The following PTPRO variants were observed in gnomAD, a reference collection of about 807,000 sequenced individuals.
PTPRO encodes protein tyrosine phosphatase receptor type O.
In PTPRO, 62 loss-of-function variants were observed where a neutral mutation model predicts 145.2. That is an observed-to-expected ratio of 0.43 (90% CI 0.35 to 0.53). The LOEUF is 0.53. Ranked by LOEUF, PTPRO falls within the 20% of genes least tolerant of loss-of-function variation. PTPRO has a pLI of 0.01. For missense variants in PTPRO, 1,345 were observed against 1,482.7 expected, an observed-to-expected ratio of 0.91 and a Z score of 1.53; for synonymous variants, 565 against 514.7, an observed-to-expected ratio of 1.10 and a Z score of -1.32.
At chr12:15,399,599 G>T (rs373965413) in intron 1 of PTPRO, among the ~76,000 whole-genome samples, 2 of 152,028 alleles carry the variant, frequency 1.3e-5, no homozygotes, top group East Asian at 1.9e-4. Flanking sequence ...ACATATAATC[G>T]TTAATTAATG....
At chr12:15,554,796 C>A (rs1409414290) in intron 15 of PTPRO, among the ~76,000 whole-genome samples, 2 of 152,194 alleles carry the variant, frequency 1.3e-5, no homozygotes, top group Non-Finnish European at 2.9e-5. Flanking sequence ...AGGATCAATA[C>A]TTTGTGTCCT....
intron 25 of PTPRO, among the ~76,000 whole-genome samples, chr12:15,594,132 C>A (rs1944608766): frequency 6.6e-6 from 1 of 152,048 alleles, no homozygotes; most frequent in Admixed American, 6.5e-5. Context: ...TTTTCTTTTC[C>A]AGTTTGTGGT....
intron 19 of PTPRO, among the ~76,000 whole-genome samples, chr12:15,573,397 C>G (rs1944104897): frequency 6.6e-6 from 1 of 152,178 alleles, no homozygotes; most frequent in African/African-American, 2.4e-5. Flanking sequence ...TTCACAGCAG[C>G]AGACTGGTGT....
chr12:15,572,855 G>A (rs1336844521), intron 19 of PTPRO, among the ~76,000 whole-genome samples: 1 of 152,106 alleles, frequency 6.6e-6, no homozygotes, highest in Non-Finnish European at 1.5e-5. Context: ...AGTGTTTTTG[G>A]TTGTTATAAT....
chr12:15,585,444 G>A (rs983736952), intron 23 of PTPRO, among the ~76,000 whole-genome samples: 2 of 152,216 alleles, frequency 1.3e-5, no homozygotes, highest in Admixed American at 1.3e-4. Context: ...GAACATAGTA[G>A]GGGAGGCACT....
intron 1 of PTPRO, among the ~76,000 whole-genome samples, chr12:15,353,918 A>T: frequency 6.6e-6 from 1 of 152,188 alleles, no homozygotes. Context: ...CAGGGTCTTC[A>T]TCCCACTCGT....
intron 1 of PTPRO, among the ~76,000 whole-genome samples, chr12:15,443,440 G>A (rs564912331): frequency 2.0e-5 from 3 of 152,162 alleles, no homozygotes; most frequent in Admixed American, 1.3e-4. Flanking sequence ...TCGGCCTGGG[G>A]AAAGTATTGA....
intron 7 of PTPRO, among the ~76,000 whole-genome samples, chr12:15,512,966 G>A (rs1323882644): frequency 6.6e-6 from 1 of 151,176 alleles, no homozygotes; most frequent in Non-Finnish European, 1.5e-5. Flanking sequence ...TGCACTCCAG[G>A]TTGGGCAACA....
chr12:15,492,975 A>T (rs1359218025), intron 2 of PTPRO, among the ~76,000 whole-genome samples: 1 of 152,216 alleles, frequency 6.6e-6, no homozygotes, highest in Admixed American at 6.5e-5. Flanking sequence ...CCAACTAAGT[A>T]CCTAATAGAG....
intron 1 of PTPRO, among the ~76,000 whole-genome samples, chr12:15,398,551 G>A (rs1487978094): frequency 2.7e-5 from 4 of 150,852 alleles, no homozygotes; most frequent in Non-Finnish European, 1.5e-5. Context: ...GAACAATAAC[G>A]CCTACCACAG....
At chr12:15,336,623 A>T (rs548497105) in intron 1 of PTPRO, among the ~76,000 whole-genome samples, 29 of 151,406 alleles carry the variant, frequency 1.9e-4, no homozygotes, top group African/African-American at 6.1e-4. Context: ...CATGCTGGTT[A>T]AAAAAAAAGA....
chr12:15,462,146 C>T (rs115267898), intron 1 of PTPRO, among the ~76,000 whole-genome samples: 1,609 of 152,126 alleles, frequency 0.011, 23 homozygotes, highest in African/African-American at 0.037. Flanking sequence ...TCTTTTGAGA[C>T]GGCATTTCAC....
Position 15,456,082 on chromosome 12 carries a change from T to C in PTPRO, c.76-27892T>C, listed in dbSNP as rs539252196. Among the ~76,000 whole-genome samples, 1,306 of 152,350 alleles carry C rather than the reference T, an allele frequency of 8.6e-3. 13 individuals are homozygous for C. The highest frequency in any genetic ancestry group is 0.013 in the Non-Finnish European group (914 of 68,040). Reference sequence around the variant, plus strand: ...GAGAAAAAACTTTCCATTTTCAGCATTGAGTATAATGTTAACTTTGAGCAT... The same window carrying C: ...GAGAAAAAACTTTCCATTTTCAGCACTGAGTATAATGTTAACTTTGAGCAT... On this transcript the variant is annotated intron_variant, in intron 1 of 26. Transcript: ENST00000281171.
At chr12:15,331,384 T>C (rs190168905) in intron 1 of PTPRO, among the ~76,000 whole-genome samples, 106 of 152,308 alleles carry the variant, frequency 7.0e-4, no homozygotes, top group African/African-American at 2.5e-3. Context: ...GATAAGAGCA[T>C]AGGTGCCAGG....
At chr12:15,338,244 A>G in intron 1 of PTPRO, among the ~76,000 whole-genome samples, 1 of 152,190 alleles carries the variant, frequency 6.6e-6, no homozygotes, top group East Asian at 1.9e-4. Context: ...AAATGTTTTT[A>G]AAAACTTTAT....
chr12:15,427,400 A>G (rs1228249280), intron 1 of PTPRO, among the ~76,000 whole-genome samples: 1 of 151,988 alleles, frequency 6.6e-6, no homozygotes, highest in African/African-American at 2.4e-5. Flanking sequence ...TTCTAATTGT[A>G]TCTTGCTGAT....
At chr12:15,387,323 A>C (rs1319550827) in intron 1 of PTPRO, among the ~76,000 whole-genome samples, 1 of 144,714 alleles carries the variant, frequency 6.9e-6, no homozygotes, top group African/African-American at 2.5e-5. Flanking sequence ...GTTATTGTTA[A>C]AAGTCCAAAC....
At chr12:15,408,863 G>T (rs1284951738) in intron 1 of PTPRO, among the ~76,000 whole-genome samples, 1 of 152,098 alleles carries the variant, frequency 6.6e-6, no homozygotes, top group African/African-American at 2.4e-5. Flanking sequence ...ACCGTAAAAT[G>T]AAGTATAGAT....
chr12:15,415,345 A>C (rs1939919116), intron 1 of PTPRO, among the ~76,000 whole-genome samples: 1 of 151,482 alleles, frequency 6.6e-6, no homozygotes, highest in Non-Finnish European at 1.5e-5. Context: ...TCCTCTCTCC[A>C]CTTTTCCTTA....
Sources: gnomAD v4.1 joint callset for allele counts (sites outside exome capture counted in the v4.1 genomes callset) on GRCh38, gnomAD v4.1.1 for gene constraint, MANE v1.5 for transcripts, NCBI Gene and HGNC (gene_info 2026-07-23, HGNC 2026-07-21) for gene names.